VLDLR: variants seen among roughly 807,000 people sequenced by gnomAD.
VLDLR encodes very low density lipoprotein receptor.
Under a neutral mutation model 112.7 loss-of-function variants are expected in VLDLR, and 81 were observed. The observed-to-expected ratio is 0.72, with a 90% CI of 0.60 to 0.86. The LOEUF is 0.86. Ranked by LOEUF, VLDLR falls within the 40% of genes least tolerant of loss-of-function variation. VLDLR has a pLI of 0.00. For missense variants in VLDLR, 1,237 were observed against 1,099.4 expected, an observed-to-expected ratio of 1.13 and a Z score of -1.77; for synonymous variants, 436 against 384.8, an observed-to-expected ratio of 1.13 and a Z score of -1.56.
chr9:2,632,039 G>C (rs1301921000), intron 1 of VLDLR, among the ~76,000 whole-genome samples: 1 of 152,042 alleles, frequency 6.6e-6, no homozygotes. Flanking sequence ...ATTTTTTGAC[G>C]CTCCAGGAAT....
chr9:2,646,919 C>T (rs1467640842), intron 11 of VLDLR, among the ~76,000 whole-genome samples: 1 of 152,184 alleles, frequency 6.6e-6, no homozygotes, highest in Non-Finnish European at 1.5e-5. Context: ...GATGATCAAA[C>T]CTAAACGACA....
Position 2,622,002 on chromosome 9 carries a change from G to A in VLDLR, c.-188G>A. On this transcript the variant is annotated 5_prime_UTR_variant, in exon 1 of 19. It adds an upstream start codon to the 5' untranslated region. Transcript: ENST00000382100. ...TGGCTGGGTGGGTGGGGAGGAGACT[G>A]TGCAAGTTGTAGGGGAGGGGGTGCC... 1 of 646,046 alleles carries A rather than the reference G, an allele frequency of 1.5e-6. No individual in the cohort carries two copies. The highest frequency in any genetic ancestry group is 1.7e-5 in the South Asian group (1 of 57,336). The allele number at this position is 646,046 out of a possible 1,614,324, so 40.0% of individuals were successfully genotyped here.
intron 2 of VLDLR, 98 bp downstream of exon 2, chr9:2,635,670 A>G (rs1249528742): frequency 6.4e-7 from 1 of 1,574,424 alleles, no homozygotes; most frequent in Non-Finnish European, 8.7e-7. Flanking sequence ...TCCACTTCTA[A>G]CAATTGCTTT....
In VLDLR at chr9:2,651,876, A is replaced by G. The variant is rs1206728457; in HGVS notation, c.2338A>G (p.Ile780Val). 1.9e-6 allele frequency: 3 copies of G among 1,613,962 alleles called. No homozygotes were observed. Among genetic ancestry groups the G allele is most frequent in the Non-Finnish European group, 8.5e-7 (1 of 1,179,960 alleles). Reference sequence around the variant, plus strand: ...TGATTCCTTTTATTCCTCTGTAGGGATCAATGTGACCACAGCAGTATCAGA... The same window carrying G: ...TGATTCCTTTTATTCCTCTGTAGGGGTCAATGTGACCACAGCAGTATCAGA... The part of the protein sequence containing the change: ...SATSGLVPGG[I>V]NVTTAVSEVS... The change falls in exon 17 of 19, where the codon ATC (isoleucine) becomes GTC (valine). Residue 780 changes from isoleucine (I) to valine (V), a missense_variant and splice_region_variant. By Grantham distance (29) the Ile-to-Val change is conservative. Transcript: ENST00000382100.
Position 2,639,939 on chromosome 9 carries a change from C to T in VLDLR, c.283C>T (p.Pro95Ser), listed in dbSNP as rs763895639. The T allele has an allele frequency of 6.2e-7, 1 of 1,614,194 alleles. No homozygotes were observed. Among genetic ancestry groups the T allele is most frequent in the Non-Finnish European group, 8.5e-7 (1 of 1,180,040 alleles). ...VPSRWKCDGDPDCEDGSDESP... is the reference protein window; with the variant it reads ...VPSRWKCDGDSDCEDGSDESP... The stretch of plus-strand genomic sequence containing the variant: ...CAGCCGATGGAAGTGTGATGGAGAT[C>T]CTGACTGCGAAGATGGTTCAGATGA... The change falls in exon 3 of 19, where the codon CCT becomes TCT. Residue 95 changes from proline to serine, a missense_variant. Coordinates refer to ENST00000382100, the MANE Select transcript of VLDLR (RefSeq NM_003383.5).
chr9:2,621,888 T>A lies in VLDLR; in HGVS notation c.-302T>A, dbSNP rs1007541973. The A allele has an allele frequency of 3.4e-6, 2 of 592,988 alleles. No homozygotes were observed. The highest frequency in any genetic ancestry group is 6.3e-6 in the Non-Finnish European group (2 of 317,886). The allele number at this position is 592,988 out of a possible 1,614,324, so 36.7% of individuals were successfully genotyped here. A position where few individuals can be genotyped will look rare whatever the true frequency, so the allele number is the denominator to read the frequency against. ...GGCTCCCCACCCCCTCTCCCTTCCCTCCTCTCCCCTTGCCTCCCCTCCTCT... is the reference window on the plus strand; with the variant it reads ...GGCTCCCCACCCCCTCTCCCTTCCCACCTCTCCCCTTGCCTCCCCTCCTCT... On this transcript the variant is annotated 5_prime_UTR_variant, in exon 1 of 19. Transcript: ENST00000382100.
chr9:2,653,913 C>A lies in VLDLR; in HGVS notation c.*45C>A. 1.2e-6 allele frequency: 2 copies of A among 1,606,802 alleles called. No individual in the cohort carries two copies. Among genetic ancestry groups the A allele is most frequent in the Non-Finnish European group, 1.7e-6 (2 of 1,173,590 alleles). On this transcript the variant is annotated 3_prime_UTR_variant, in exon 19 of 19. Transcript: ENST00000382100. ...CCTTTGAGGTCTAAACAAATAATAC[C>A]CCCGTCGGAATGGTAACCGAGCCAG...
chr9:2,654,276 T>G lies in VLDLR; in HGVS notation c.*408T>G, dbSNP rs962249220. 2.2e-5 allele frequency: 4 copies of G among 184,646 alleles called. No individual in the cohort carries two copies. Among genetic ancestry groups the G allele is most frequent in the Non-Finnish European group, 4.6e-5 (4 of 86,762 alleles). The allele number at this position is 184,646 out of a possible 1,614,324, so 11.4% of individuals were successfully genotyped here. On this transcript the variant is annotated 3_prime_UTR_variant, in exon 19 of 19. Transcript: ENST00000382100. Reference sequence around the variant, plus strand: ...TAAGCACTTTGAAAATATTTCTATGTAAATTATTGTAAACTTTTTCAATGG... The same window carrying G: ...TAAGCACTTTGAAAATATTTCTATGGAAATTATTGTAAACTTTTTCAATGG...
chr9:2,636,207 C>G (rs1817595306), intron 2 of VLDLR, among the ~76,000 whole-genome samples: 1 of 152,136 alleles, frequency 6.6e-6, no homozygotes, highest in Non-Finnish European at 1.5e-5. Flanking sequence ...TCATGTCAAG[C>G]CAAAATAGCT....
Position 2,659,586 on chromosome 9 carries a change from T to C in VLDLR, c.*5718T>C, listed in dbSNP as rs181352825. ...TTATAAGCAGGCAACTTCATTCCTA[T>C]GTATAAGATATTGGGAGAAAACAAA... On this transcript the variant is annotated 3_prime_UTR_variant, in exon 19 of 19. Coordinates refer to ENST00000382100, the MANE Select transcript of VLDLR (RefSeq NM_003383.5). 2.6e-5 allele frequency: 4 copies of C among 152,374 alleles called. No individual in the cohort carries two copies. The East Asian group carries it at 7.7e-4, about 29-fold the overall frequency. 9.4% of individuals were successfully genotyped at this position (152,374 alleles called of 1,614,324 possible).
rs1192280433 is a variant in VLDLR at position 2,655,458 on chromosome 9, G to A, written c.*1590G>A. The stretch of plus-strand genomic sequence containing the variant: ...TGTGGAAGGTACAGCAATTCCTCTG[G>A]AATTAAATGACCGACCAACACAGTA... On this transcript the variant is annotated 3_prime_UTR_variant, in exon 19 of 19. Transcript: ENST00000382100. The A allele has an allele frequency of 6.6e-6, 1 of 152,132 alleles. No homozygotes were observed. The highest frequency in any genetic ancestry group is 1.5e-5 in the Non-Finnish European group (1 of 68,036). The allele number at this position is 152,132 out of a possible 1,614,324, so 9.4% of individuals were successfully genotyped here.
chr9:2,647,439 C>A (rs758285913), intron 11 of VLDLR, 35 bp from the exon 12 acceptor site: 30 of 1,579,840 alleles, frequency 1.9e-5, no homozygotes, highest in Non-Finnish European at 2.4e-5. Context: ...TCCTTCTAAA[C>A]CACTGAGGCT....
intron 14 of VLDLR, among the ~76,000 whole-genome samples, chr9:2,649,672 G>C (rs992555136): frequency 6.6e-6 from 1 of 152,188 alleles, no homozygotes; most frequent in African/African-American, 2.4e-5. Context: ...AATTACAGGC[G>C]TGAGCTGTAA....
At chr9:2,646,624 A>C in intron 11 of VLDLR, 72 bp downstream of exon 11, 4 of 1,352,518 alleles carry the variant, frequency 3.0e-6, no homozygotes, top group Non-Finnish European at 4.2e-6. Context: ...TCATACCTGA[A>C]TTAGTACTCA....
In VLDLR at chr9:2,643,538, A is replaced by G. The variant is rs756578335; in HGVS notation, c.820+7A>G. The G allele has an allele frequency of 1.2e-6, 2 of 1,614,220 alleles. No homozygotes were observed. The highest frequency in any genetic ancestry group is 1.7e-6 in the Non-Finnish European group (2 of 1,180,032). On this transcript the variant is annotated splice_region_variant and intron_variant, in intron 5 of 18. Transcript: ENST00000382100. Reference sequence around the variant, plus strand: ...AGTGATGAGGTCAACTGTCGTAAGTAGCTTTCTAGCATGGCATGTTCAGTT... The same window carrying G: ...AGTGATGAGGTCAACTGTCGTAAGTGGCTTTCTAGCATGGCATGTTCAGTT...
intron 1 of VLDLR, among the ~76,000 whole-genome samples, chr9:2,627,851 C>G (rs1357322812): frequency 7.2e-6 from 1 of 138,772 alleles, no homozygotes; most frequent in East Asian, 2.1e-4. Flanking sequence ...GGCTACAGTG[C>G]GAGAATCCAT....
At chr9:2,644,153 GTTTTTTTTTT>G (rs59793046) in intron 7 of VLDLR, among the ~76,000 whole-genome samples, 194 bp downstream of exon 7, 5 of 96,386 alleles carry the variant, frequency 5.2e-5, no homozygotes, top group African/African-American at 2.3e-4. Flanking sequence ...TGTTTTTGTT[GTTTTTTTTTT>G]TTTTTTTTTT....
chr9:2,624,083 G>C (rs1212773566), intron 1 of VLDLR, among the ~76,000 whole-genome samples: 2 of 152,174 alleles, frequency 1.3e-5, no homozygotes, highest in African/African-American at 4.8e-5. Context: ...TTACCTTATA[G>C]AATGCTAGGA....
chr9:2,647,639 G>A, intron 12 of VLDLR, 47 bp downstream of exon 12: 1 of 1,500,964 alleles, frequency 6.7e-7, no homozygotes, highest in Non-Finnish European at 9.3e-7. Context: ...TATCTTCATA[G>A]TGTTTCCATT....
Sources: allele counts gnomAD v4.1 joint callset (sites outside exome capture counted in the v4.1 genomes callset), GRCh38; gene constraint gnomAD v4.1.1; transcripts MANE v1.5; gene names NCBI Gene and HGNC (gene_info 2026-07-23, HGNC 2026-07-21).